Variants in PCCB observed in about 807,000 individuals in gnomAD.
PCCB encodes the protein propionyl-CoA carboxylase beta chain, mitochondrial.
PCCB carries 43 observed loss-of-function variants against 60.7 expected under a neutral mutation model. The ratio of observed to expected loss-of-function variants is 0.71; its 90% CI spans 0.55 to 0.91. PCCB has a LOEUF of 0.91. Ranked by LOEUF, PCCB falls within the 40% of genes least tolerant of loss-of-function variation. The pLI is 0.00. For synonymous variants in PCCB, 276 were observed against 255.9 expected (o/e 1.08, Z -0.75); for missense variants, 766 against 702.8 (o/e 1.09, Z -1.02).
chr3:136,296,643 G>A (rs2108201146), intron 7 of PCCB, among the ~76,000 whole-genome samples: 1 of 152,262 alleles, frequency 6.6e-6, no homozygotes, highest in South Asian at 2.1e-4. Flanking sequence ...ATAACTCGAT[G>A]TTTAACTTTT....
rs1044890094 is a variant in PCCB at position 136,303,905 on chromosome 3, G to A, written c.966+2794G>A. Among the ~76,000 whole-genome samples the A allele has an allele frequency of 7.3e-5, 9 of 122,484 alleles. 1 individual carries two copies. The highest frequency in any genetic ancestry group is 2.0e-4 in the African/African-American group (8 of 40,204). 80.4% of individuals were successfully genotyped at this position (122,484 alleles called of 152,430 possible). ...AGGTGTGAGCCACCGTGCCTGGCCT[G>A]TATTTGCTTTATGTATTAGTGTTCT... On this transcript the variant is annotated intron_variant, in intron 9 of 14. Coordinates refer to ENST00000251654, the MANE Select transcript of PCCB (RefSeq NM_000532.5).
intron 7 of PCCB, 21 bp from the exon 8 acceptor site, chr3:136,297,931 A>T (rs757562655): frequency 2.9e-5 from 46 of 1,613,932 alleles, no homozygotes; most frequent in Non-Finnish European, 3.9e-5. Flanking sequence ...ACTCAATCAT[A>T]TATGCTCCCT....
chr3:136,324,056 T>C (rs1163051883), intron 10 of PCCB, among the ~76,000 whole-genome samples: 1 of 151,792 alleles, frequency 6.6e-6, no homozygotes, highest in Non-Finnish European at 1.5e-5. Context: ...CAATGACTTT[T>C]CCAGAGACTA....
intron 10 of PCCB, among the ~76,000 whole-genome samples, chr3:136,323,995 T>G (rs1206021902): frequency 2.6e-5 from 4 of 151,704 alleles, no homozygotes; most frequent in Non-Finnish European, 4.4e-5. Flanking sequence ...AAGCTTTGTT[T>G]TTTTTTTTTT....
chr3:136,303,198 T>C (rs1358536137), intron 9 of PCCB, among the ~76,000 whole-genome samples: 3 of 123,448 alleles, frequency 2.4e-5, no homozygotes, highest in Non-Finnish European at 5.4e-5. Flanking sequence ...ATCATAGTTG[T>C]GATTCTGGGC....
chr3:136,325,255 G>A (rs962386875), intron 10 of PCCB, among the ~76,000 whole-genome samples: 2 of 152,084 alleles, frequency 1.3e-5, no homozygotes, highest in African/African-American at 4.8e-5. Context: ...AAACTCCTGG[G>A]CTTAAGCAGT....
At chr3:136,258,609 T>G (rs1029157836) in intron 3 of PCCB, among the ~76,000 whole-genome samples, 2 of 152,102 alleles carry the variant, frequency 1.3e-5, no homozygotes, top group Non-Finnish European at 2.9e-5. Context: ...GTTGGTGTAT[T>G]CTGAGGGGGA....
At position 136,255,962 on chromosome 3, in the gene PCCB, C is replaced by A; in HGVS notation, c.290C>A (p.Ala97Asp). Residue 97 changes from alanine to aspartate, a missense_variant, in exon 2 of 15, where the codon GCT becomes GAT. Transcript: ENST00000251654. ...AGATGTGCAGATTTTGGAATGGCTG[C>A]TGATAAGAATAAGGTATTTGTTCAA... ...EHRCADFGMA[A>D]DKNKFPGDSV... 1 of 1,614,132 alleles carries A rather than the reference C, an allele frequency of 6.2e-7. No individual in the cohort carries two copies. The highest frequency in any genetic ancestry group is 1.1e-5 in the South Asian group (1 of 91,082).
intron 5 of PCCB, among the ~76,000 whole-genome samples, chr3:136,263,375 C>A (rs957931201): frequency 2.6e-5 from 4 of 151,538 alleles, no homozygotes; most frequent in African/African-American, 9.7e-5. Context: ...AAGCGATCAT[C>A]CCACCTCAGT....
At chr3:136,251,576 G>C (rs1284591970) in intron 1 of PCCB, among the ~76,000 whole-genome samples, 1 of 152,194 alleles carries the variant, frequency 6.6e-6, no homozygotes, top group Non-Finnish European at 1.5e-5. Flanking sequence ...TTTGACACTT[G>C]AGAGTGAAAT....
intron 6 of PCCB, among the ~76,000 whole-genome samples, chr3:136,290,831 A>G (rs1024675126): frequency 2.7e-5 from 4 of 150,276 alleles, no homozygotes; most frequent in Non-Finnish European, 4.4e-5. Context: ...CTCATTATGT[A>G]TATGTTACAT....
At chr3:136,267,782 C>T (rs1942045402) in intron 5 of PCCB, among the ~76,000 whole-genome samples, 3 of 152,062 alleles carry the variant, frequency 2.0e-5, no homozygotes. Context: ...CCGATGTGCC[C>T]AGCCTCTGGT....
At chr3:136,278,748 G>A (rs2108174116) in intron 5 of PCCB, among the ~76,000 whole-genome samples, 1 of 152,312 alleles carries the variant, frequency 6.6e-6, no homozygotes, top group South Asian at 2.1e-4. Flanking sequence ...ATATGCACTT[G>A]ACAAGAATAT....
chr3:136,297,830 G>A, intron 7 of PCCB, 122 bp from the exon 8 acceptor site: 1 of 1,052,772 alleles, frequency 9.5e-7, no homozygotes, highest in East Asian at 2.4e-5. Flanking sequence ...AGGGTGCAGA[G>A]AACAGAGCTA....
chr3:136,317,133 C>CT, intron 10 of PCCB, 69 bp downstream of exon 10: 1 of 1,544,414 alleles, frequency 6.5e-7, no homozygotes, highest in South Asian at 1.1e-5. Context: ...CCATGGTATC[C>CT]TTTCTGTCTT....
chr3:136,260,324 T>A (rs1468577796), intron 3 of PCCB, 155 bp from the exon 4 acceptor site: 2 of 705,118 alleles, frequency 2.8e-6, no homozygotes, highest in Non-Finnish European at 5.1e-6. Flanking sequence ...GCCATCCACC[T>A]GCCTTGGCCT....
intron 5 of PCCB, among the ~76,000 whole-genome samples, chr3:136,271,643 G>C (rs552441636): frequency 6.6e-6 from 1 of 152,194 alleles, no homozygotes; most frequent in African/African-American, 2.4e-5. Flanking sequence ...TTGAGTTCTT[G>C]ATTTGATTGT....
At chr3:136,257,819 G>C (rs1228810834) in intron 3 of PCCB, among the ~76,000 whole-genome samples, 1 of 152,122 alleles carries the variant, frequency 6.6e-6, no homozygotes, top group Admixed American at 6.6e-5. Flanking sequence ...TGTAATCCCA[G>C]CTACTTGGGA....
At chr3:136,283,997 C>G (rs761709877) in intron 6 of PCCB, 50 bp downstream of exon 6, 2 of 1,104,012 alleles carry the variant, frequency 1.8e-6, no homozygotes, top group African/African-American at 3.1e-5. Context: ...TGTGCAGTTC[C>G]TTACCTGCAA....
Sources: allele counts gnomAD v4.1 joint callset (sites outside exome capture counted in the v4.1 genomes callset), GRCh38; gene constraint gnomAD v4.1.1; transcripts MANE v1.5; gene names NCBI Gene and HGNC (gene_info 2026-07-23, HGNC 2026-07-21).